NECAB3: variants seen among roughly 807,000 people sequenced by gnomAD.
The protein encoded by NECAB3 is N-terminal EF-hand calcium binding protein 3, also known as N-terminal EF-hand calcium-binding protein 3.
A neutral mutation model predicts 57.2 loss-of-function variants in NECAB3; 38 were observed. That is an observed-to-expected ratio of 0.66 (90% CI 0.51 to 0.87). The LOEUF is 0.87. Ranked by LOEUF, NECAB3 falls within the 40% of genes least tolerant of loss-of-function variation. NECAB3 has a pLI of 0.00. For synonymous variants in NECAB3, 223 were observed against 222.6 expected (o/e 1.00, Z -0.02); for missense variants, 474 against 527.5 (o/e 0.90, Z 0.99).
At position 33,657,699 on chromosome 20, in the gene NECAB3, T is replaced by C; in HGVS notation, c.*130A>G. ...GCAGCCCAGTCCCTGATCCCTGGGC[T>C]GAGAGCCCTTCCACCAGGCCCAAGT... On this transcript the variant is annotated 3_prime_UTR_variant, in exon 12 of 12. Transcript: ENST00000246190. 1 of 900,752 alleles carries C rather than the reference T, an allele frequency of 1.1e-6. No individual in the cohort carries two copies. The highest frequency in any genetic ancestry group is 1.9e-5 in the South Asian group (1 of 51,810). The allele number at this position is 900,752 out of a possible 1,614,324, so 55.8% of individuals were successfully genotyped here. A position where few individuals can be genotyped will look rare whatever the true frequency, so the allele number is the denominator to read the frequency against.
intron 5 of NECAB3, chr20:33,667,383 G>A: frequency 7.6e-7 from 1 of 1,307,644 alleles, no homozygotes; most frequent in Non-Finnish European, 9.8e-7. Context: ...GCGGCCTGCG[G>A]GTGTGCCCAG....
At chr20:33,661,635 G>A (rs752347978) in intron 5 of NECAB3, among the ~76,000 whole-genome samples, 43 of 152,200 alleles carry the variant, frequency 2.8e-4, no homozygotes, top group Non-Finnish European at 4.7e-4. Flanking sequence ...AAGCACTACT[G>A]CAAGAAGAAT....
In NECAB3 at chr20:33,667,895, T is replaced by C. The variant is rs767040690; in HGVS notation, c.387+1480A>G. 2.5e-5 allele frequency: 40 copies of C among 1,583,878 alleles called. No individual in the cohort carries two copies. In the East Asian group the frequency reaches 8.2e-4, roughly 32 times the overall value. ...GAACCCATCTTCCAGCCGGGCCTGC[T>C]GGGCCAGGCTGAGCAGGGGCTGCCC... is the stretch of plus-strand genomic sequence containing the variant. On this transcript the variant is annotated intron_variant, in intron 5 of 11. Coordinates refer to ENST00000246190, the MANE Select transcript of NECAB3 (RefSeq NM_031232.4).
chr20:33,669,495 A>G, intron 4 of NECAB3, 23 bp from the exon 5 acceptor site: 1 of 1,612,748 alleles, frequency 6.2e-7, no homozygotes, highest in Non-Finnish European at 8.5e-7. Flanking sequence ...GAGGTGCTCA[A>G]GGGTTCCTGG....
At chr20:33,673,090 C>T (rs927388801) in intron 1 of NECAB3, among the ~76,000 whole-genome samples, 1 of 152,122 alleles carries the variant, frequency 6.6e-6, no homozygotes, top group Non-Finnish European at 1.5e-5. Flanking sequence ...TGGCAGAAGG[C>T]AAGTTCGGCA....
rs761818732 is a variant in NECAB3, at chr20:33,660,094, G to C, written c.525-91C>G. On this transcript the variant is annotated intron_variant, in intron 6 of 11. Coordinates refer to ENST00000246190, the MANE Select transcript of NECAB3 (RefSeq NM_031232.4). The surrounding 1 kb of genome is among the most constrained non-coding windows in gnomAD (Gnocchi z 4.1). The stretch of plus-strand genomic sequence containing the variant: ...AAGACAAGCCTCCTGGGACTCCGAG[G>C]CCTAGCCCCAAAGCCAGTCTCATTT... 6.6e-7 allele frequency: 1 copy of C among 1,521,402 alleles called. No individual in the cohort carries two copies. The allele number at this position is 1,521,402 out of a possible 1,614,324, so 94.2% of individuals were successfully genotyped here.
Position 33,657,283 on chromosome 20 carries a change from G to A in NECAB3, c.*546C>T, listed in dbSNP as rs1062951. 1 of 154,862 alleles carries A rather than the reference G, an allele frequency of 6.5e-6. No individual in the cohort carries two copies. Among genetic ancestry groups the A allele is most frequent in the Admixed American group, 6.5e-5 (1 of 15,358 alleles). 9.6% of individuals were successfully genotyped at this position (154,862 alleles called of 1,614,324 possible). A position where few individuals can be genotyped will look rare whatever the true frequency, so the allele number is the denominator to read the frequency against. On this transcript the variant is annotated 3_prime_UTR_variant, in exon 12 of 12. Coordinates refer to ENST00000246190, the MANE Select transcript of NECAB3 (RefSeq NM_031232.4). Reference sequence around the variant, plus strand: ...TGCAAATGACATGCAAACCAACCCAGAGGCCTCTGGCACATCCATGGGTGC... The same window carrying A: ...TGCAAATGACATGCAAACCAACCCAAAGGCCTCTGGCACATCCATGGGTGC...
In NECAB3 at chr20:33,659,540, A is replaced by G. The variant is rs1158966306; in HGVS notation, c.836T>C (p.Leu279Pro). 1 of 1,548,418 alleles carries G rather than the reference A, an allele frequency of 6.5e-7. No homozygotes were observed. The highest frequency in any genetic ancestry group is 8.7e-7 in the Non-Finnish European group (1 of 1,143,018). Reference sequence around the variant, plus strand: ...CAGGTCCTCTTCACGCAGGGGTTCCAGCCGGGGGGCCTGTGAGGGCACAGA... The same window carrying G: ...CAGGTCCTCTTCACGCAGGGGTTCCGGCCGGGGGGCCTGTGAGGGCACAGA... ...PHSVPSQAPR[L>P]EPLREEDLAK... The change falls in exon 8 of 12, where the codon CTG becomes CCG. Residue 279 changes from leucine (L) to proline (P), a missense_variant. Leu to Pro is a moderately conservative substitution (Grantham distance 98). Coordinates refer to ENST00000246190, the MANE Select transcript of NECAB3 (RefSeq NM_031232.4).
At chr20:33,667,296 G>T (rs905061200) in intron 5 of NECAB3, 2 of 605,530 alleles carry the variant, frequency 3.3e-6, no homozygotes, top group Non-Finnish European at 4.9e-6. Context: ...GCGGCGTGGC[G>T]CGGGCGCACC....
intron 5 of NECAB3, chr20:33,663,541 G>C: frequency 6.2e-7 from 1 of 1,610,168 alleles, no homozygotes; most frequent in Non-Finnish European, 8.5e-7. Flanking sequence ...GACCAGGATC[G>C]TGCTGATTCT....
chr20:33,667,605 C>T (rs1196790427), intron 5 of NECAB3: 1 of 1,587,158 alleles, frequency 6.3e-7, no homozygotes, highest in East Asian at 2.3e-5. Context: ...ACGCGGGTCA[C>T]TCGTGGCACC....
chr20:33,668,374 G>C, intron 5 of NECAB3: 1 of 1,268,016 alleles, frequency 7.9e-7, no homozygotes, highest in African/African-American at 1.5e-5. Flanking sequence ...TCTGGGCCAG[G>C]AGAAGGTATT....
intron 1 of NECAB3, among the ~76,000 whole-genome samples, chr20:33,673,548 T>C (rs910463113): frequency 6.6e-6 from 1 of 152,138 alleles, no homozygotes; most frequent in Non-Finnish European, 1.5e-5. Flanking sequence ...GGCCTTGGTT[T>C]TCCTACTTGG....
In NECAB3 at chr20:33,657,579, TCTC is replaced by T. The variant is rs2017324926; in HGVS notation, c.*247_*249del. The T allele has an allele frequency of 9.0e-6, 4 of 443,214 alleles. No homozygotes were observed. The highest frequency in any genetic ancestry group is 6.4e-5 in the South Asian group (1 of 15,670). 27.5% of individuals were successfully genotyped at this position (443,214 alleles called of 1,614,324 possible). On this transcript the variant is annotated 3_prime_UTR_variant, in exon 12 of 12. Transcript: ENST00000246190. ...GGGACAGCAGGGACCAGAATCCAGG[TCTC>T]CTGAGCCAGGCAGAAGCCAAAGTAG...
At chr20:33,668,008 C>T in intron 5 of NECAB3, 2 of 1,543,366 alleles carry the variant, frequency 1.3e-6, no homozygotes, top group South Asian at 1.2e-5. Flanking sequence ...CGGCTCCACA[C>T]TGTTTCCTGG....
chr20:33,674,615 C>T (rs2017916305), upstream of NECAB3: 1 of 167,008 alleles, frequency 6.0e-6, no homozygotes, highest in Admixed American at 6.4e-5. Flanking sequence ...GGAGCAGAAC[C>T]TAGGGGCTGC....
At chr20:33,661,016 C>A (rs1378171430) in intron 5 of NECAB3, among the ~76,000 whole-genome samples, 1 of 152,182 alleles carries the variant, frequency 6.6e-6, no homozygotes, top group African/African-American at 2.4e-5. Context: ...AATGCTAGGC[C>A]CTGCATGGCC....
At position 33,674,358 on chromosome 20, in the gene NECAB3, C is replaced by T. The variant is rs577828175; in HGVS notation, c.-6G>A. 6.3e-5 allele frequency: 74 copies of T among 1,183,662 alleles called. 1 individual carries two copies. The South Asian group carries it at 2.8e-3, about 44-fold the overall frequency. The allele number at this position is 1,183,662 out of a possible 1,614,324, so 73.3% of individuals were successfully genotyped here. A position where few individuals can be genotyped will look rare whatever the true frequency, so the allele number is the denominator to read the frequency against. ...AGCAGCCCCGCGCACGCCATGGCGC[C>T]GCCACCCGCTCGGGCTCGGCTGCGG... On this transcript the variant is annotated 5_prime_UTR_variant, in exon 1 of 12. Transcript: ENST00000246190.
chr20:33,674,169 G>C, intron 1 of NECAB3, 55 bp downstream of exon 1: 1 of 1,238,956 alleles, frequency 8.1e-7, no homozygotes, highest in Non-Finnish European at 1.0e-6. Context: ...CGGAGGGTGA[G>C]ACTAACAGAG....
Sources: allele counts gnomAD v4.1 joint callset (sites outside exome capture counted in the v4.1 genomes callset), GRCh38; gene constraint gnomAD v4.1.1; non-coding constraint Gnocchi (gnomAD v3.1); transcripts MANE v1.5; gene names NCBI Gene and HGNC (gene_info 2026-07-23, HGNC 2026-07-21).